C17orf78: variants seen among roughly 807,000 people sequenced by gnomAD.
C17orf78 encodes chromosome 17 open reading frame 78, also known as uncharacterized protein C17orf78.
C17orf78 carries 27 observed loss-of-function variants against 31.8 expected under a neutral mutation model. The ratio of observed to expected loss-of-function variants is 0.85; its 90% CI spans 0.63 to 1.17. The LOEUF is 1.17. Ranked by LOEUF, C17orf78 falls within the 50% of genes most tolerant of loss-of-function variation. The pLI is 0.00. For missense variants in C17orf78, 258 were observed against 315.2 expected, an observed-to-expected ratio of 0.82 and a Z score of 1.37; for synonymous variants, 106 against 115.1, an observed-to-expected ratio of 0.92 and a Z score of 0.51.
At chr17:37,384,578 G>C (rs2050446266) in intron 3 of C17orf78, among the ~76,000 whole-genome samples, 1 of 151,662 alleles carries the variant, frequency 6.6e-6, no homozygotes. Flanking sequence ...AAAAAACACA[G>C]ATAACTTGTG....
chr17:37,377,792 C>T, intron 1 of C17orf78, 87 bp from the exon 2 acceptor site: 1 of 1,087,314 alleles, frequency 9.2e-7, no homozygotes, highest in South Asian at 1.4e-5. Context: ...TCTCCATTGC[C>T]CAGAATTCTA....
intron 4 of C17orf78, chr17:37,386,860 C>T (rs1275435028): frequency 1.3e-5 from 2 of 151,924 alleles, no homozygotes; most frequent in Non-Finnish European, 2.9e-5. Context: ...TTGTGTTGCC[C>T]AGACTGGAGT....
chr17:37,385,799 A>G (rs1262200975), intron 3 of C17orf78, among the ~76,000 whole-genome samples: 1 of 152,152 alleles, frequency 6.6e-6, no homozygotes, highest in Non-Finnish European at 1.5e-5. Flanking sequence ...TAAAAGTCCC[A>G]TGGGCATTTA....
chr17:37,390,465 A>G (rs1473607112), intron 6 of C17orf78, among the ~76,000 whole-genome samples: 1 of 146,088 alleles, frequency 6.8e-6, no homozygotes, highest in African/African-American at 2.5e-5. Flanking sequence ...TGTCTCTACT[A>G]AAAATACAAA....
intron 3 of C17orf78, among the ~76,000 whole-genome samples, 157 bp downstream of exon 3, chr17:37,379,539 T>C (rs551089649): frequency 5.9e-5 from 9 of 152,328 alleles, no homozygotes; most frequent in African/African-American, 2.2e-4. Context: ...TTTGAGTTCA[T>C]TGTAGATTCT....
chr17:37,388,162 A>C (rs2050631304), intron 4 of C17orf78, among the ~76,000 whole-genome samples: 1 of 152,062 alleles, frequency 6.6e-6, no homozygotes, highest in Admixed American at 6.6e-5. Flanking sequence ...TGAGAAAAAA[A>C]ATGCATATTA....
chr17:37,382,909 C>T (rs1421766397), intron 3 of C17orf78, among the ~76,000 whole-genome samples: 6 of 151,838 alleles, frequency 4.0e-5, no homozygotes, highest in South Asian at 2.1e-4. Flanking sequence ...TGGAGGCACG[C>T]GCTTGTAGTC....
At position 37,391,513 on chromosome 17, in the gene C17orf78, G is replaced by A. The variant is rs1345460895; in HGVS notation, c.751-134G>A. 9 of 749,320 alleles carry A rather than the reference G, an allele frequency of 1.2e-5. No individual in the cohort carries two copies. In the East Asian group the frequency reaches 1.5e-4, roughly 12 times the overall value. The allele number at this position is 749,320 out of a possible 1,614,324, so 46.4% of individuals were successfully genotyped here. A position where few individuals can be genotyped will look rare whatever the true frequency, so the allele number is the denominator to read the frequency against. ...ATCATACTTTCTCAGTGTAATTATC[G>A]ATTAACAAAGAGGCAAAATGAAGTG... On this transcript the variant is annotated intron_variant, in intron 6 of 6. Transcript: ENST00000615133.
intron 1 of C17orf78, among the ~76,000 whole-genome samples, chr17:37,376,815 C>A (rs1046771627): frequency 2.6e-5 from 4 of 152,000 alleles, no homozygotes; most frequent in Non-Finnish European, 4.4e-5. Context: ...ATTAGCCAGG[C>A]ATGGTGGCAT....
Position 37,376,077 on chromosome 17 carries a change from A to G in C17orf78, c.-16A>G. The G allele has an allele frequency of 6.2e-7, 1 of 1,607,800 alleles. No individual in the cohort carries two copies. Among genetic ancestry groups the G allele is most frequent in the Non-Finnish European group, 8.5e-7 (1 of 1,174,326 alleles). ...GAGCAGTGGTCTGTCTGCAATGAGCATGTGCTCAAGCTAACATGGATACCA... is the reference window on the plus strand; with the variant it reads ...GAGCAGTGGTCTGTCTGCAATGAGCGTGTGCTCAAGCTAACATGGATACCA... On this transcript the variant is annotated 5_prime_UTR_variant, in exon 1 of 7. An upstream start codon of the reference 5' UTR is lost. Coordinates refer to ENST00000615133, the MANE Select transcript of C17orf78 (RefSeq NM_173625.5).
intron 4 of C17orf78, among the ~76,000 whole-genome samples, chr17:37,388,441 G>A (rs1413199511): frequency 1.3e-5 from 2 of 152,120 alleles, no homozygotes; most frequent in Non-Finnish European, 2.9e-5. Context: ...CAGGGAAGGT[G>A]ACTCAGTGGG....
In C17orf78 at chr17:37,384,470, A is replaced by G. The variant is rs752724600; in HGVS notation, c.392-1539A>G. Among the ~76,000 whole-genome samples, 4 of 152,102 alleles carry G rather than the reference A, an allele frequency of 2.6e-5. No homozygotes were observed. In the East Asian group the frequency reaches 5.8e-4, roughly 22 times the overall value. ...TTCAGTTTGCAAAGTGTTTACACAC[A>G]TGCTTTCTCATTTTTATTTGTTTCT... On this transcript the variant is annotated intron_variant, in intron 3 of 6. Coordinates refer to ENST00000615133, the MANE Select transcript of C17orf78 (RefSeq NM_173625.5).
intron 1 of C17orf78, among the ~76,000 whole-genome samples, chr17:37,376,478 C>T (rs1214478727): frequency 6.6e-6 from 1 of 152,144 alleles, no homozygotes; most frequent in East Asian, 1.9e-4. Flanking sequence ...CAAATTCATA[C>T]TGTTCATAAG....
intron 3 of C17orf78, among the ~76,000 whole-genome samples, chr17:37,382,135 TA>T (rs1472015495): frequency 6.6e-6 from 1 of 152,184 alleles, no homozygotes; most frequent in African/African-American, 2.4e-5. Context: ...CAATAAGATT[TA>T]TCAATTTATC....
chr17:37,391,153 G>A (rs969963831), intron 6 of C17orf78, among the ~76,000 whole-genome samples: 1 of 152,128 alleles, frequency 6.6e-6, no homozygotes, highest in South Asian at 2.1e-4. Context: ...CAGGATAATC[G>A]CTTGAACCCG....
intron 6 of C17orf78, among the ~76,000 whole-genome samples, chr17:37,389,828 G>A (rs1025891872): frequency 2.6e-5 from 4 of 151,806 alleles, no homozygotes; most frequent in African/African-American, 9.7e-5. Context: ...TGAAGCAAAT[G>A]TGGGCAATCC....
Position 37,379,170 on chromosome 17 carries a change from T to C in C17orf78, c.179T>C (p.Ile60Thr). ...ACAGAAACCAAAAGGACAACATTCA[T>C]TCAAAACCGGACTATAGCTACCCTG... ...THTETKRTTF[I>T]QNRTIATLQC... Residue 60 changes from isoleucine (I) to threonine (T), a missense_variant, in exon 3 of 7, where the codon ATT (isoleucine) becomes ACT (threonine). Ile to Thr is a moderately conservative substitution (Grantham distance 89). Coordinates refer to ENST00000615133, the MANE Select transcript of C17orf78 (RefSeq NM_173625.5). 1 of 1,613,974 alleles carries C rather than the reference T, an allele frequency of 6.2e-7. No individual in the cohort carries two copies. Among genetic ancestry groups the C allele is most frequent in the Admixed American group, 1.7e-5 (1 of 60,010 alleles).
At chr17:37,378,504 C>T (rs760522038) in intron 2 of C17orf78, among the ~76,000 whole-genome samples, 2 of 150,702 alleles carry the variant, frequency 1.3e-5, no homozygotes, top group East Asian at 2.0e-4. Flanking sequence ...CTTGAGCTTA[C>T]GAGTTTGAGA....
intron 3 of C17orf78, among the ~76,000 whole-genome samples, chr17:37,382,104 T>C (rs2050318990): frequency 6.6e-6 from 1 of 152,184 alleles, no homozygotes; most frequent in South Asian, 2.1e-4. Flanking sequence ...TATATATTCT[T>C]CTTGTATACC....
Sources: allele counts gnomAD v4.1 joint callset (sites outside exome capture counted in the v4.1 genomes callset), GRCh38; gene constraint gnomAD v4.1.1; transcripts MANE v1.5; gene names NCBI Gene and HGNC (gene_info 2026-07-23, HGNC 2026-07-21).